DNAAF11: variants seen among roughly 807,000 people sequenced by gnomAD.
DNAAF11 encodes the protein leucine rich repeat containing 6.
DNAAF11 carries 45 observed loss-of-function variants against 60.8 expected under a neutral mutation model. The ratio of observed to expected loss-of-function variants is 0.74; its 90% confidence interval spans 0.58 to 0.95. The LOEUF is 0.95. Among genes scored for constraint, DNAAF11 ranks in the 40% least tolerant of loss-of-function variants. DNAAF11 has a pLI of 0.00. For synonymous variants in DNAAF11, 191 were observed against 183.5 expected, an observed-to-expected ratio of 1.04 and a Z score of -0.33; for missense variants, 546 against 546.2, an observed-to-expected ratio of 1.00 and a Z score of 0.00.
At chr8:132,653,993 C>T (rs529788227) in intron 3 of DNAAF11, among the ~76,000 whole-genome samples, 4 of 151,984 alleles carry the variant, frequency 2.6e-5, no homozygotes, top group South Asian at 2.1e-4. Context: ...AATCAAAACA[C>T]GATTCATCTA....
In DNAAF11 at chr8:132,616,757, T is replaced by G. The variant is rs201555069; in HGVS notation, c.915-1660A>C. On this transcript the variant is annotated intron_variant, in intron 7 of 11. Transcript: ENST00000620350. ...CAGTGCCACAAAGTGAAACCAGCACTCAGGCAAAAGTTTTCTCAGCAAGGC... is the reference window on the plus strand; with the variant it reads ...CAGTGCCACAAAGTGAAACCAGCACGCAGGCAAAAGTTTTCTCAGCAAGGC... 3.3e-5 allele frequency among the ~76,000 whole-genome samples: 5 copies of G among 152,302 alleles called. No homozygotes were observed. The East Asian group carries it at 9.7e-4, about 29-fold the overall frequency.
At chr8:132,644,168 T>C (rs953110600) in intron 3 of DNAAF11, among the ~76,000 whole-genome samples, 5 of 152,284 alleles carry the variant, frequency 3.3e-5, no homozygotes, top group South Asian at 4.1e-4. Context: ...ATACATAAAA[T>C]AGGCTTTTAA....
At chr8:132,580,469 G>A (rs1352827363) in intron 11 of DNAAF11, among the ~76,000 whole-genome samples, 4 of 152,124 alleles carry the variant, frequency 2.6e-5, no homozygotes, top group African/African-American at 9.7e-5. Flanking sequence ...GGTGATGGTC[G>A]TACAACATTG....
At chr8:132,654,038 GATAGAA>G (rs1407880790) in intron 3 of DNAAF11, among the ~76,000 whole-genome samples, 1 of 151,888 alleles carries the variant, frequency 6.6e-6, no homozygotes, top group South Asian at 2.1e-4. Context: ...TAGATTCAAA[GATAGAA>G]ATAGTTGGAA....
intron 6 of DNAAF11, among the ~76,000 whole-genome samples, chr8:132,623,939 C>T (rs1236331203): frequency 6.6e-6 from 1 of 152,138 alleles, no homozygotes; most frequent in Non-Finnish European, 1.5e-5. Context: ...CAGAGGCAAA[C>T]ATCTCACAGA....
intron 3 of DNAAF11, among the ~76,000 whole-genome samples, chr8:132,655,481 A>C (rs1374337452): frequency 6.6e-6 from 1 of 152,156 alleles, no homozygotes; most frequent in Non-Finnish European, 1.5e-5. Flanking sequence ...AAAACTAAGA[A>C]CAACTGTGCC....
intron 11 of DNAAF11, chr8:132,578,508 G>A (rs924686418): frequency 1.0e-5 from 16 of 1,528,450 alleles, no homozygotes; most frequent in Non-Finnish European, 1.3e-5. Flanking sequence ...CTAGAATCCA[G>A]TAGAATAGCT....
intron 7 of DNAAF11, among the ~76,000 whole-genome samples, chr8:132,619,509 C>T (rs1180372353): frequency 6.6e-6 from 1 of 151,782 alleles, no homozygotes; most frequent in East Asian, 1.9e-4. Context: ...TCTGCTATGT[C>T]CAGTAAGACA....
chr8:132,581,242 G>A (rs555298623), intron 11 of DNAAF11, among the ~76,000 whole-genome samples: 15 of 152,186 alleles, frequency 9.9e-5, no homozygotes, highest in Non-Finnish European at 1.5e-4. Flanking sequence ...AGGGCAGGAT[G>A]GAATTTCTAG....
At chr8:132,643,471 G>T (rs1429694881) in intron 3 of DNAAF11, 6 of 351,334 alleles carry the variant, frequency 1.7e-5, no homozygotes. Flanking sequence ...ATTAGATGTG[G>T]GAGAGTTGGG....
At chr8:132,584,147 T>C (rs1815636972) in intron 10 of DNAAF11, among the ~76,000 whole-genome samples, 1 of 152,094 alleles carries the variant, frequency 6.6e-6, no homozygotes, top group Non-Finnish European at 1.5e-5. Context: ...TAGTGGAAAG[T>C]GGAAAGCACT....
At chr8:132,677,842 T>G (rs1825811747), upstream of DNAAF11, among the ~76,000 whole-genome samples, 3 of 152,178 alleles carry the variant, frequency 2.0e-5, no homozygotes, top group South Asian at 6.2e-4. Context: ...AGGAGCCCTC[T>G]GTCCTCACAT....
intron 4 of DNAAF11, among the ~76,000 whole-genome samples, chr8:132,636,131 T>G (rs1038795347): frequency 6.6e-6 from 1 of 152,056 alleles, no homozygotes; most frequent in African/African-American, 2.4e-5. Context: ...CAATTCCTTT[T>G]AAGCAGCTCA....
intron 10 of DNAAF11, among the ~76,000 whole-genome samples, chr8:132,585,180 C>T (rs769133674): frequency 6.6e-6 from 1 of 152,150 alleles, no homozygotes. Flanking sequence ...GCATCAAGCT[C>T]GGGGAGGTTT....
At chr8:132,642,116 T>G (rs1467346439) in intron 3 of DNAAF11, among the ~76,000 whole-genome samples, 1 of 152,212 alleles carries the variant, frequency 6.6e-6, no homozygotes, top group Non-Finnish European at 1.5e-5. Context: ...AGAAAATACA[T>G]GAAACTCATA....
At chr8:132,578,314 T>C (rs1814973994) in intron 11 of DNAAF11, 1 of 612,910 alleles carries the variant, frequency 1.6e-6, no homozygotes, top group Non-Finnish European at 2.7e-6. Flanking sequence ...TAATTACTCA[T>C]GGATCTCTGG....
At chr8:132,619,130 G>A (rs914713525) in intron 7 of DNAAF11, among the ~76,000 whole-genome samples, 13 of 152,120 alleles carry the variant, frequency 8.5e-5, no homozygotes, top group African/African-American at 3.1e-4. Flanking sequence ...AAAAAATGAT[G>A]AGTTCATGTC....
At chr8:132,672,355 C>T (rs1430514721) in intron 1 of DNAAF11, among the ~76,000 whole-genome samples, 1 of 152,182 alleles carries the variant, frequency 6.6e-6, no homozygotes, top group Non-Finnish European at 1.5e-5. Context: ...TTGCCACCAT[C>T]CCCAGGCTCA....
chr8:132,702,631 ATCT>A, the DNAAF11 span, among the ~76,000 whole-genome samples: 1 of 152,198 alleles, frequency 6.6e-6, no homozygotes, highest in East Asian at 1.9e-4. Flanking sequence ...AAAGCTTATG[ATCT>A]AGCACTGTTT....
Sources: allele counts gnomAD v4.1 joint callset (sites outside exome capture counted in the v4.1 genomes callset), GRCh38; gene constraint gnomAD v4.1.1; transcripts MANE v1.5; gene names NCBI Gene and HGNC (gene_info 2026-07-23, HGNC 2026-07-21).